Variants in EDN1 observed in about 807,000 individuals in gnomAD.
The protein encoded by EDN1 is endothelin-1.
A neutral mutation model predicts 21.7 loss-of-function variants in EDN1; 11 were observed. The observed-to-expected ratio is 0.51, with a 90% confidence interval of 0.32 to 0.84. EDN1 has a LOEUF of 0.84. EDN1 is among the 40% of genes least tolerant of loss of function. EDN1 has a pLI of 0.03. For missense variants in EDN1, 244 were observed against 262.3 expected (o/e 0.93, Z 0.48); for synonymous variants, 85 against 90.6 (o/e 0.94, Z 0.35).
chr6:12,286,204 AC>A (rs144133125), upstream of EDN1, among the ~76,000 whole-genome samples: 91 of 152,358 alleles, frequency 6.0e-4, no homozygotes, highest in Non-Finnish European at 1.1e-3. Flanking sequence ...TTTTAAATAA[AC>A]ACTTGCTATC....
At position 12,290,613 on chromosome 6, in the gene EDN1, G is replaced by T; in HGVS notation, c.-17G>T. The T allele has an allele frequency of 6.2e-7, 1 of 1,613,426 alleles. No individual in the cohort carries two copies. The highest frequency in any genetic ancestry group is 1.1e-5 in the South Asian group (1 of 91,040). On this transcript the variant is annotated 5_prime_UTR_variant, in exon 1 of 5. Transcript: ENST00000379375. ...GGTTCAGTTTGAACGGGAGGTTTTT[G>T]ATCCCTTTTTTTCAGAATGGATTAT... is the stretch of plus-strand genomic sequence containing the variant.
chr6:12,294,689 C>G (rs1005669173), intron 4 of EDN1, among the ~76,000 whole-genome samples: 1 of 152,198 alleles, frequency 6.6e-6, no homozygotes, highest in Non-Finnish European at 1.5e-5. Context: ...TCCAGAGATG[C>G]CTTTGTCATT....
At chr6:12,239,371 G>T in the EDN1 span, among the ~76,000 whole-genome samples, 1 of 152,116 alleles carries the variant, frequency 6.6e-6, no homozygotes, top group Non-Finnish European at 1.5e-5. Context: ...TGCTAGCTAG[G>T]TCATGGCCAC....
chr6:12,234,991 A>G, the EDN1 span, among the ~76,000 whole-genome samples: 1 of 152,168 alleles, frequency 6.6e-6, no homozygotes, highest in Non-Finnish European at 1.5e-5. Flanking sequence ...CTTTAAAAGG[A>G]TGATTTTATC....
the EDN1 span, among the ~76,000 whole-genome samples, chr6:12,273,221 G>A: frequency 2.6e-5 from 4 of 152,196 alleles, no homozygotes; most frequent in Non-Finnish European, 4.4e-5. Context: ...GAGAGTGGGG[G>A]CTAGGCCAGC....
the EDN1 span, among the ~76,000 whole-genome samples, chr6:12,232,127 TATA>T: frequency 4.2e-5 from 6 of 143,214 alleles, no homozygotes; most frequent in African/African-American, 1.5e-4. Flanking sequence ...TATATAAAAT[TATA>T]ATATAATATA....
At chr6:12,242,952 CAT>C in the EDN1 span, among the ~76,000 whole-genome samples, 1 of 152,116 alleles carries the variant, frequency 6.6e-6, no homozygotes, top group African/African-American at 2.4e-5. Context: ...CTAGAGTATT[CAT>C]TTGTATAATT....
At chr6:12,292,233 G>A (rs1361517504) in intron 1 of EDN1, 108 bp from the exon 2 acceptor site, 6 of 1,482,556 alleles carry the variant, frequency 4.0e-6, no homozygotes, top group South Asian at 1.1e-5. Context: ...CAGGCTGTGT[G>A]CTTCATCTGC....
chr6:12,236,205 G>T, the EDN1 span, among the ~76,000 whole-genome samples: 2 of 152,114 alleles, frequency 1.3e-5, no homozygotes, highest in Non-Finnish European at 2.9e-5. Context: ...CACTTTGTAG[G>T]TTTTTCCATT....
At chr6:12,292,804 T>A (rs1762719603) in intron 2 of EDN1, among the ~76,000 whole-genome samples, 1 of 152,180 alleles carries the variant, frequency 6.6e-6, no homozygotes, top group Admixed American at 6.5e-5. Flanking sequence ...AGGGGGACAC[T>A]CTCACAGTGG....
chr6:12,265,498 G>A, the EDN1 span, among the ~76,000 whole-genome samples: 1 of 152,200 alleles, frequency 6.6e-6, no homozygotes, highest in Non-Finnish European at 1.5e-5. Flanking sequence ...CCAGACATGT[G>A]CATGCACAGA....
the EDN1 span, among the ~76,000 whole-genome samples, chr6:12,267,166 T>C: frequency 6.6e-6 from 1 of 152,200 alleles, no homozygotes; most frequent in African/African-American, 2.4e-5. Context: ...GCAAGTCTAT[T>C]GGCACCATTT....
At chr6:12,245,187 T>A in the EDN1 span, among the ~76,000 whole-genome samples, 1 of 152,166 alleles carries the variant, frequency 6.6e-6, no homozygotes, top group South Asian at 2.1e-4. Context: ...TTCCTAAACA[T>A]TTATCACGTA....
intron 1 of EDN1, among the ~76,000 whole-genome samples, chr6:12,291,592 G>A (rs1762684014): frequency 6.6e-6 from 1 of 152,210 alleles, no homozygotes; most frequent in Non-Finnish European, 1.5e-5. Context: ...TTGTTAGGAG[G>A]AAGAGGCAAG....
At chr6:12,289,978 C>T (rs1762631983), upstream of EDN1, among the ~76,000 whole-genome samples, 1 of 152,164 alleles carries the variant, frequency 6.6e-6, no homozygotes, top group Non-Finnish European at 1.5e-5. Context: ...CACAACAATA[C>T]AATCTATTTA....
At chr6:12,290,292 A>T, upstream of EDN1, 1 of 340,634 alleles carries the variant, frequency 2.9e-6, no homozygotes, top group Non-Finnish European at 5.6e-6. Context: ...GCTGGAATAA[A>T]GTCGGAGCTG....
chr6:12,294,515 A>T, intron 4 of EDN1, 111 bp downstream of exon 4: 2 of 1,279,730 alleles, frequency 1.6e-6, no homozygotes, highest in South Asian at 2.5e-5. Context: ...CAGGTGAAAG[A>T]CTTAGAAAAC....
chr6:12,267,015 C>T, the EDN1 span, among the ~76,000 whole-genome samples: 1 of 152,150 alleles, frequency 6.6e-6, no homozygotes, highest in Non-Finnish European at 1.5e-5. Flanking sequence ...CCAAATCCAG[C>T]AATATATTGT....
upstream of EDN1, among the ~76,000 whole-genome samples, chr6:12,289,493 T>A (rs1762621414): frequency 6.6e-6 from 1 of 152,176 alleles, no homozygotes; most frequent in Non-Finnish European, 1.5e-5. Context: ...TAGTAAAACA[T>A]CAGCCCCTGT....
Sources: gnomAD v4.1 joint callset for allele counts (sites outside exome capture counted in the v4.1 genomes callset) on GRCh38, gnomAD v4.1.1 for gene constraint, MANE v1.5 for transcripts, NCBI Gene and HGNC (gene_info 2026-07-23, HGNC 2026-07-21) for gene names.